Variants in MLXIPL observed in about 807,000 individuals in gnomAD.
MLXIPL encodes the protein carbohydrate-responsive element-binding protein.
In MLXIPL, 49 loss-of-function variants were observed where a neutral mutation model predicts 81.5. That is an observed-to-expected ratio of 0.60 (90% confidence interval 0.48 to 0.76). The LOEUF (loss-of-function observed/expected upper bound fraction) is 0.76, where lower values mean the gene tolerates loss of function less well. MLXIPL is among the 30% of genes least tolerant of loss of function. MLXIPL has a pLI of 0.00. For synonymous variants in MLXIPL, 466 were observed against 485.5 expected (o/e 0.96, Z 0.53); for missense variants, 1,053 against 1,167.0 (o/e 0.90, Z 1.42).
At chr7:73,627,366 A>G (rs1214823886), upstream of MLXIPL, among the ~76,000 whole-genome samples, 3 of 150,410 alleles carry the variant, frequency 2.0e-5, no homozygotes, top group African/African-American at 7.4e-5. Context: ...CTCCTGCCTC[A>G]GCCTCCCAAG....
chr7:73,617,383 C>T (rs1796068549), intron 1 of MLXIPL, among the ~76,000 whole-genome samples: 2 of 152,088 alleles, frequency 1.3e-5, no homozygotes, highest in African/African-American at 2.4e-5. Context: ...TGGTGTCTGC[C>T]ATGCCCAGAA....
At chr7:73,624,063 G>T in intron 1 of MLXIPL, 137 bp downstream of exon 1, 1 of 1,211,848 alleles carries the variant, frequency 8.3e-7, no homozygotes, top group Non-Finnish European at 1.1e-6. Context: ...GGTGTCCAGG[G>T]CGTGATCGGA....
At chr7:73,644,736 T>C in the MLXIPL span, among the ~76,000 whole-genome samples, 1 of 152,098 alleles carries the variant, frequency 6.6e-6, no homozygotes, top group Non-Finnish European at 1.5e-5. Context: ...ACAAAGAAGA[T>C]AGGGCGACAA....
chr7:73,624,228 G>T lies in MLXIPL; in HGVS notation c.265C>A (p.Leu89Ile). The stretch of plus-strand genomic sequence containing the variant: ...TAGGCCAGGCTCAAGCACTCGAAGA[G>T]GCGTGTGAGTGTGGGGTCGATACTG... ...PRSIDPTLTR[L>I]FECLSLAYSG... is the part of the protein sequence containing the mutation. Residue 89 changes from leucine to isoleucine, a missense_variant, in exon 1 of 17, where the codon CTC (leucine) becomes ATC (isoleucine). By Grantham distance (5) the Leu-to-Ile change is conservative. Transcript: ENST00000313375. 1 of 1,598,604 alleles carries T rather than the reference G, an allele frequency of 6.3e-7. No homozygotes were observed. Among genetic ancestry groups the T allele is most frequent in the African/African-American group, 1.3e-5 (1 of 74,574 alleles).
In MLXIPL at chr7:73,607,440, A is replaced by C. The variant is rs1554598634; in HGVS notation, c.484-20T>G. The C allele has an allele frequency of 6.5e-7, 1 of 1,545,964 alleles. No homozygotes were observed. Among genetic ancestry groups the C allele is most frequent in the Admixed American group, 2.0e-5 (1 of 51,106 alleles). On this transcript the variant is annotated intron_variant, in intron 3 of 16. Coordinates refer to ENST00000313375, the MANE Select transcript of MLXIPL (RefSeq NM_032951.3). Reference sequence around the variant, plus strand: ...CACGGCCTGGGGTAGGGGCCGGGGGAGGGGGATCAGTAGAGAGGGGAGCAC... The same window carrying C: ...CACGGCCTGGGGTAGGGGCCGGGGGCGGGGGATCAGTAGAGAGGGGAGCAC...
At position 73,616,114 on chromosome 7, in the gene MLXIPL, C is replaced by T; in HGVS notation, c.357G>A (p.Lys119=). 1 of 1,614,072 alleles carries T rather than the reference C, an allele frequency of 6.2e-7. No homozygotes were observed. The highest frequency in any genetic ancestry group is 8.5e-7 in the Non-Finnish European group (1 of 1,180,018). The change falls in exon 2 of 17, where the codon AAG becomes AAA. Residue 119 remains lysine, a synonymous_variant. Coordinates refer to ENST00000313375, the MANE Select transcript of MLXIPL (RefSeq NM_032951.3). ...FKGLKLLCRD[K]IRLNNAIWRA... ...TCCAGATGGCGTTGTTCAGGCGGAT[C>T]TTGTCTCTGCAGAGCAGCTTGAGGC...
At position 73,597,644 on chromosome 7, in the gene MLXIPL, C is replaced by T; in HGVS notation, c.1141G>A (p.Asp381Asn). 17 of 1,382,364 alleles carry T rather than the reference C, an allele frequency of 1.2e-5. No individual in the cohort carries two copies. Among genetic ancestry groups the T allele is most frequent in the Non-Finnish European group, 1.6e-5 (17 of 1,071,474 alleles). 85.6% of individuals were successfully genotyped at this position (1,382,364 alleles called of 1,614,324 possible). The change falls in exon 9 of 17, where the codon GAC becomes AAC. Residue 381 changes from aspartate (D) to asparagine (N), a missense_variant. Asp to Asn is a conservative substitution (Grantham distance 23). This residue lies in a region of MLXIPL where 823 missense variants were observed against 933.0 expected (regional missense o/e 0.88). Coordinates refer to ENST00000313375, the MANE Select transcript of MLXIPL (RefSeq NM_032951.3). ...FLSSDFLLPE[D>N]PKPRLPPPPV... is the part of the protein sequence containing the mutation. ...GGGGGTGGGAGCCGGGGCTTGGGGT[C>T]TTCAGGAAGGAGGAAATCAGAACTC...
chr7:73,606,392 C>CT, intron 5 of MLXIPL: 1 of 488,480 alleles, frequency 2.0e-6, no homozygotes, highest in Non-Finnish European at 3.6e-6. Context: ...TTTGGTCCCT[C>CT]TGGTTTTTTT....
At chr7:73,645,029 A>ATTT in the MLXIPL span, among the ~76,000 whole-genome samples, 197 of 146,290 alleles carry the variant, frequency 1.3e-3, 3 homozygotes, top group African/African-American at 4.8e-3. Flanking sequence ...TGGGTAGAGC[A>ATTT]TTTTTTTTTT....
chr7:73,638,814 G>C, the MLXIPL span, among the ~76,000 whole-genome samples: 3 of 151,788 alleles, frequency 2.0e-5, no homozygotes, highest in Non-Finnish European at 4.4e-5. Context: ...GTAGAGACAG[G>C]GTTTCACCAT....
chr7:73,632,907 G>A, the MLXIPL span, among the ~76,000 whole-genome samples: 204 of 151,674 alleles, frequency 1.3e-3, 5 homozygotes, highest in East Asian at 0.036. Context: ...AGCCTTGTGA[G>A]TAGCTGGGAT....
chr7:73,619,861 C>T (rs1246640060), intron 1 of MLXIPL, among the ~76,000 whole-genome samples: 1 of 150,096 alleles, frequency 6.7e-6, no homozygotes, highest in African/African-American at 2.5e-5. Context: ...ACCCGGGAGG[C>T]AGAGCTTGCA....
chr7:73,611,685 G>A (rs1274076417), intron 2 of MLXIPL, among the ~76,000 whole-genome samples: 8 of 151,990 alleles, frequency 5.3e-5, no homozygotes, highest in Admixed American at 2.0e-4. Flanking sequence ...GCGTGGTGGC[G>A]CATGCCTGTA....
rs548821604 is a variant in MLXIPL at position 73,624,146 on chromosome 7, C to G, written c.293+54G>C. On this transcript the variant is annotated intron_variant, in intron 1 of 16. Transcript: ENST00000313375. ...CAGCGCGCAGTCCTGCCCCGGACCCCCCCCCCATCCCCACCTGGAAGCCAA... is the reference window on the plus strand; with the variant it reads ...CAGCGCGCAGTCCTGCCCCGGACCCGCCCCCCATCCCCACCTGGAAGCCAA... 21 of 1,447,084 alleles carry G rather than the reference C, an allele frequency of 1.5e-5. 1 individual carries two copies. Among genetic ancestry groups the G allele is most frequent in the African/African-American group, 1.1e-4 (8 of 70,476 alleles). 89.6% of individuals were successfully genotyped at this position (1,447,084 alleles called of 1,614,324 possible).
At chr7:73,643,089 C>T in the MLXIPL span, among the ~76,000 whole-genome samples, 1 of 152,150 alleles carries the variant, frequency 6.6e-6, no homozygotes, top group Non-Finnish European at 1.5e-5. Context: ...CCTTGCACCA[C>T]AGCCAGGGAT....
chr7:73,617,472 C>G (rs1796071363), intron 1 of MLXIPL, among the ~76,000 whole-genome samples: 1 of 152,092 alleles, frequency 6.6e-6, no homozygotes, highest in South Asian at 2.1e-4. Context: ...CCAACAGATC[C>G]CAAAGGAAGG....
chr7:73,594,486 G>C, intron 15 of MLXIPL, 83 bp from the exon 16 acceptor site: 1 of 1,548,274 alleles, frequency 6.5e-7, no homozygotes. Flanking sequence ...TCAAACCAGG[G>C]GAAGAAAGGG....
At chr7:73,635,458 A>G in the MLXIPL span, among the ~76,000 whole-genome samples, 1 of 151,846 alleles carries the variant, frequency 6.6e-6, no homozygotes, top group African/African-American at 2.4e-5. Context: ...CTGTTCATCT[A>G]CCTGTCTATT....
chr7:73,596,671 T>G lies in MLXIPL; in HGVS notation c.1790A>C (p.Lys597Thr). The G allele has an allele frequency of 6.3e-7, 1 of 1,590,200 alleles. No individual in the cohort carries two copies. Among genetic ancestry groups the G allele is most frequent in the African/African-American group, 1.3e-5 (1 of 74,564 alleles). Residue 597 changes from lysine (K) to threonine (T), a missense_variant, in exon 11 of 17, where the codon AAA (lysine) becomes ACA (threonine). Physicochemically the swap from Lys to Thr is moderately conservative, Grantham distance 78 (BLOSUM62 -1). Around this residue, in one of 3 missense-constraint regions of MLXIPL, gnomAD observed 823 missense variants for 933.0 expected, o/e 0.88. Coordinates refer to ENST00000313375, the MANE Select transcript of MLXIPL (RefSeq NM_032951.3). The surrounding 1 kb of genome is among the most constrained non-coding windows in gnomAD (Gnocchi z 4.7). ...CGCTGGGGGTGAGAGCCGCTCCGCT[T>G]TGGGGACAAGCAGGGGCCTGGAAGG... is the stretch of plus-strand genomic sequence containing the variant. ...LAPSRPLLVP[K>T]AERLSPPAPS...
Sources: allele counts gnomAD v4.1 joint callset (sites outside exome capture counted in the v4.1 genomes callset), GRCh38; gene constraint gnomAD v4.1.1; regional missense constraint gnomAD v4.1.1; non-coding constraint Gnocchi (gnomAD v3.1); transcripts MANE v1.5; gene names NCBI Gene and HGNC (gene_info 2026-07-23, HGNC 2026-07-21).